Variants in ATPAF2 observed in about 807,000 individuals in gnomAD.
ATPAF2 encodes ATP12 homolog.
In ATPAF2, 30 loss-of-function variants were observed where a neutral mutation model predicts 36.6. The ratio of observed to expected loss-of-function variants is 0.82; its 90% CI spans 0.61 to 1.11. ATPAF2 has a LOEUF of 1.11. ATPAF2 is among the 50% of genes most tolerant of loss of function. The pLI is 0.00. For missense variants in ATPAF2, 321 were observed against 372.3 expected (o/e 0.86, Z 1.13); for synonymous variants, 140 against 152.6 (o/e 0.92, Z 0.61).
chr17:18,023,791 A>C (rs1161284118), intron 5 of ATPAF2, among the ~76,000 whole-genome samples: 4 of 152,250 alleles, frequency 2.6e-5, no homozygotes, highest in Non-Finnish European at 5.9e-5. Flanking sequence ...ATACCAAGAA[A>C]TGTGCCTTGC....
rs529403127 is a variant in ATPAF2 at position 18,023,504 on chromosome 17, T to C, written c.503+1120A>G. ...ACTGTAAGAAATGGCTAAGTTTTTCTATAAACTCTTAAGGATGAGGTATTT... is the reference window on the plus strand; with the variant it reads ...ACTGTAAGAAATGGCTAAGTTTTTCCATAAACTCTTAAGGATGAGGTATTT... On this transcript the variant is annotated intron_variant, in intron 5 of 7. Coordinates refer to ENST00000474627, the MANE Select transcript of ATPAF2 (RefSeq NM_145691.4). Among the ~76,000 whole-genome samples the C allele has an allele frequency of 2.6e-5, 4 of 152,368 alleles. No homozygotes were observed. In the South Asian group the frequency reaches 8.3e-4, roughly 32 times the overall value.
At chr17:18,021,069 A>C in intron 7 of ATPAF2, 54 bp downstream of exon 7, 2 of 1,574,964 alleles carry the variant, frequency 1.3e-6, no homozygotes, top group Admixed American at 3.6e-5. Flanking sequence ...CTGCTCCCCC[A>C]AAGTGAGTCT....
chr17:18,033,814 G>A (rs1036208258), intron 1 of ATPAF2, among the ~76,000 whole-genome samples: 7 of 152,064 alleles, frequency 4.6e-5, no homozygotes, highest in African/African-American at 7.2e-5. Flanking sequence ...GAACTCTTAC[G>A]ACTCAATAAC....
chr17:18,025,159 C>T, intron 4 of ATPAF2: 1 of 303,220 alleles, frequency 3.3e-6, no homozygotes. Flanking sequence ...GCCAGATGCT[C>T]AGTCTTTGCA....
rs758558880 is a variant in ATPAF2, at chr17:18,021,867, A to G, written c.504-10T>C. On this transcript the variant is annotated splice_polypyrimidine_tract_variant and intron_variant, in intron 5 of 7. Coordinates refer to ENST00000474627, the MANE Select transcript of ATPAF2 (RefSeq NM_145691.4). ...GATCTCCACGCCGTATCTGAAAGGA[A>G]AAGGGCTTCGGCATGTCTCTGTCAT... 2.5e-6 allele frequency: 4 copies of G among 1,612,590 alleles called. No individual in the cohort carries two copies. Among genetic ancestry groups the G allele is most frequent in the Non-Finnish European group, 3.4e-6 (4 of 1,178,672 alleles).
At chr17:18,026,730 A>C (rs957454947) in intron 3 of ATPAF2, 17 of 452,052 alleles carry the variant, frequency 3.8e-5, no homozygotes, top group Non-Finnish European at 6.5e-5. Context: ...TCCTCACAAC[A>C]ACCTTTTGGA....
At chr17:18,022,594 CTTTTTTTTTTT>C (rs34473758) in intron 5 of ATPAF2, among the ~76,000 whole-genome samples, 1 of 121,394 alleles carries the variant, frequency 8.2e-6, no homozygotes, top group Admixed American at 8.3e-5. Context: ...TTTTTTCAAA[CTTTTTTTTTTT>C]TTTTTTTTTT....
At chr17:18,021,577 A>C (rs2044469091) in intron 6 of ATPAF2, 168 bp downstream of exon 6, 1 of 709,174 alleles carries the variant, frequency 1.4e-6, no homozygotes, top group Admixed American at 2.0e-5. Context: ...GTGAGCCTAG[A>C]GCGTAGAGTG....
intron 6 of ATPAF2, 81 bp from the exon 7 acceptor site, chr17:18,021,319 C>T (rs2044466394): frequency 1.9e-6 from 2 of 1,069,610 alleles, no homozygotes; most frequent in East Asian, 2.6e-5. Context: ...GCAGCCCTAG[C>T]AGAGAACAGG....
chr17:18,016,381 C>G, downstream of ATPAF2: 2 of 813,620 alleles, frequency 2.5e-6, no homozygotes, highest in Non-Finnish European at 3.8e-6. Context: ...TGGGCTTCAT[C>G]ATTTTCCTAA....
Position 18,039,132 on chromosome 17 carries a change from G to C in ATPAF2, c.-119C>G. 1 of 1,395,150 alleles carries C rather than the reference G, an allele frequency of 7.2e-7. No homozygotes were observed. The highest frequency in any genetic ancestry group is 9.8e-7 in the Non-Finnish European group (1 of 1,018,020). The allele number at this position is 1,395,150 out of a possible 1,614,324, so 86.4% of individuals were successfully genotyped here. On this transcript the variant is annotated 5_prime_UTR_variant, in exon 1 of 8. Coordinates refer to ENST00000474627, the MANE Select transcript of ATPAF2 (RefSeq NM_145691.4). The surrounding 1 kb of genome is among the most constrained non-coding windows in gnomAD (Gnocchi z 5.3). ...GGAAACCTCTCAACGCCTCCTCAGA[G>C]CCCTCAACCTCCCTTGGACGCCGCC...
chr17:18,038,687 G>C (rs1597683675), intron 1 of ATPAF2, among the ~76,000 whole-genome samples, 194 bp downstream of exon 1: 1 of 152,218 alleles, frequency 6.6e-6, no homozygotes, highest in South Asian at 2.1e-4. Flanking sequence ...TGTATCGTGC[G>C]TGACTCGCTG....
chr17:18,036,166 T>A (rs1300585370), intron 1 of ATPAF2, among the ~76,000 whole-genome samples: 1 of 152,206 alleles, frequency 6.6e-6, no homozygotes, highest in Admixed American at 6.5e-5. Flanking sequence ...AGTGGCCAAG[T>A]TCAATCAGCT....
intron 2 of ATPAF2, 45 bp downstream of exon 2, chr17:18,028,570 C>CAAAAAAAAAAAAAAAAAAAA: frequency 7.4e-7 from 1 of 1,350,118 alleles, no homozygotes. Context: ...CAACCATTCA[C>CAAAAAAAAAAAAAAAAAAAA]AAAAAAAAAA....
At chr17:18,017,452 G>A (rs1190279553), downstream of ATPAF2, among the ~76,000 whole-genome samples, 2 of 152,224 alleles carry the variant, frequency 1.3e-5, no homozygotes. Context: ...AGGAGGAGAG[G>A]CTGCAGCTCC....
intron 4 of ATPAF2, chr17:18,025,005 G>A (rs1015191598): frequency 6.9e-6 from 3 of 432,850 alleles, no homozygotes; most frequent in Middle Eastern, 6.9e-4. Flanking sequence ...GCTTGAGTTT[G>A]AGAACCACTA....
Position 18,021,811 on chromosome 17 carries a change from T to C in ATPAF2, c.550A>G (p.Ile184Val). The change falls in exon 6 of 8, where the codon ATC becomes GTC. Residue 184 changes from isoleucine (I) to valine (V), a missense_variant. This residue lies in a region of ATPAF2 where 199 missense variants were observed against 220.6 expected (regional missense o/e 0.90). Transcript: ENST00000474627. ...AGCACCTCCCGAGTTTTGGCAGGGA[T>C]GCTGGGTCCCATTATGCTGGTGGAG... ...SSSTSIMGPS[I>V]PAKTREVLVS... 4.3e-6 allele frequency: 7 copies of C among 1,614,202 alleles called. No homozygotes were observed. Among genetic ancestry groups the C allele is most frequent in the Non-Finnish European group, 5.9e-6 (7 of 1,180,038 alleles).
intron 2 of ATPAF2, 37 bp downstream of exon 2, chr17:18,028,578 A>AAG (rs1176680637): frequency 5.6e-6 from 9 of 1,602,462 alleles, no homozygotes; most frequent in Admixed American, 1.7e-5. Flanking sequence ...CACAAAAAAA[A>AAG]AAAAAAAAAG....
intron 1 of ATPAF2, among the ~76,000 whole-genome samples, chr17:18,031,897 A>C (rs998462882): frequency 6.6e-6 from 1 of 152,174 alleles, no homozygotes; most frequent in African/African-American, 2.4e-5. Context: ...GTTTGACACT[A>C]AAATTAGAAG....
Sources: gnomAD v4.1 joint callset for allele counts (sites outside exome capture counted in the v4.1 genomes callset) on GRCh38, gnomAD v4.1.1 for gene constraint, gnomAD v4.1.1 regional missense constraint, Gnocchi (gnomAD v3.1) non-coding constraint, MANE v1.5 for transcripts, NCBI Gene and HGNC (gene_info 2026-07-23, HGNC 2026-07-21) for gene names.